The following RGL1 variants were observed in gnomAD, a reference collection of about 807,000 sequenced individuals.
The protein encoded by RGL1 is ral guanine nucleotide dissociation stimulator-like 1.
In RGL1, 24 loss-of-function variants were observed where a neutral mutation model predicts 95.2. That is an observed-to-expected ratio of 0.25 (90% CI 0.18 to 0.35). The LOEUF (loss-of-function observed/expected upper bound fraction) is 0.35. Ranked by LOEUF, RGL1 falls within the 10% of genes least tolerant of loss-of-function variation. RGL1 has a pLI of 1.00. For missense variants in RGL1, 715 were observed against 936.3 expected (o/e 0.76, Z 3.08); for synonymous variants, 329 against 344.9 (o/e 0.95, Z 0.51).
intron 3 of RGL1, among the ~76,000 whole-genome samples, chr1:183,858,445 T>C (rs969270467): frequency 6.6e-6 from 1 of 152,146 alleles, no homozygotes. Context: ...ACAGGGGATA[T>C]GTAGGCAGCC....
At chr1:183,906,814 G>A (rs1668356141) in intron 13 of RGL1, among the ~76,000 whole-genome samples, 198 bp from the exon 14 acceptor site, 1 of 152,132 alleles carries the variant, frequency 6.6e-6, no homozygotes, top group Non-Finnish European at 1.5e-5. Flanking sequence ...GGTGAGGGAG[G>A]AAGCACATAA....
intron 1 of RGL1, among the ~76,000 whole-genome samples, chr1:183,703,807 A>C (rs1195225973): frequency 6.6e-6 from 1 of 152,134 alleles, no homozygotes; most frequent in South Asian, 2.1e-4. Context: ...CAGTGGCTGG[A>C]GGGAGCCCTG....
intron 11 of RGL1, among the ~76,000 whole-genome samples, chr1:183,901,889 C>T (rs540010842): frequency 1.3e-3 from 200 of 152,306 alleles, no homozygotes; most frequent in African/African-American, 4.5e-3. Flanking sequence ...TCATATGCAA[C>T]CAGCCTGCTT....
Position 183,724,847 on chromosome 1 carries a change from T to C in RGL1, c.-32-17279T>C, listed in dbSNP as rs1459113236. ...ACAGGCAGTAGGCAGATAGTGGTTA[T>C]AGCAGGCTTTGAGCGAGGCCCAGAG... On this transcript the variant is annotated intron_variant, in intron 1 of 18. Transcript: ENST00000304685. The surrounding 1 kb of genome is among the most constrained non-coding windows in gnomAD (Gnocchi z 4.1). Among the ~76,000 whole-genome samples, 2 of 152,034 alleles carry C rather than the reference T, an allele frequency of 1.3e-5. No individual in the cohort carries two copies. The highest frequency in any genetic ancestry group is 2.1e-4 in the South Asian group (1 of 4,822).
intron 1 of RGL1, among the ~76,000 whole-genome samples, chr1:183,722,490 A>G (rs181247470): frequency 9.2e-4 from 140 of 152,320 alleles, no homozygotes; most frequent in African/African-American, 3.2e-3. Context: ...AACTCGGAAC[A>G]TGAAGCAAGA....
intron 1 of RGL1, among the ~76,000 whole-genome samples, chr1:183,689,229 G>A (rs1437730008): frequency 6.6e-6 from 1 of 152,044 alleles, no homozygotes; most frequent in Admixed American, 6.6e-5. Context: ...GTGCATCTTA[G>A]TAAATTAAAA....
intron 1 of RGL1, among the ~76,000 whole-genome samples, chr1:183,702,846 CT>C (rs1654683655): frequency 6.6e-6 from 1 of 152,174 alleles, no homozygotes; most frequent in South Asian, 2.1e-4. Context: ...GAGCAACACG[CT>C]GTTTTAATGT....
intron 3 of RGL1, among the ~76,000 whole-genome samples, chr1:183,858,019 G>GTT (rs966186848): frequency 2.6e-5 from 4 of 151,814 alleles, no homozygotes; most frequent in African/African-American, 9.7e-5. Flanking sequence ...GAAGTAGCTT[G>GTT]TTTTTTTTAT....
chr1:183,897,269 C>T (rs1397091594), intron 9 of RGL1, among the ~76,000 whole-genome samples: 1 of 152,204 alleles, frequency 6.6e-6, no homozygotes, highest in African/African-American at 2.4e-5. Flanking sequence ...GTGGCTGGCT[C>T]ATGCCTGTAA....
chr1:183,901,795 AATATT>A (rs1668042073), intron 11 of RGL1, among the ~76,000 whole-genome samples: 1 of 152,200 alleles, frequency 6.6e-6, no homozygotes, highest in African/African-American at 2.4e-5. Flanking sequence ...GCAGCAATAA[AATATT>A]AAGTGAAGAA....
chr1:183,736,514 G>A (rs1656950650), intron 1 of RGL1, among the ~76,000 whole-genome samples: 1 of 152,184 alleles, frequency 6.6e-6, no homozygotes, highest in African/African-American at 2.4e-5. Flanking sequence ...TTTGCATTAG[G>A]CAATTCTGAA....
intron 12 of RGL1, 37 bp from the exon 13 acceptor site, chr1:183,904,813 C>T (rs1668220338): frequency 1.4e-6 from 2 of 1,386,900 alleles, no homozygotes; most frequent in Non-Finnish European, 9.8e-7. Context: ...ATTATTCAGT[C>T]TTTTTTTTTT....
At chr1:183,847,074 A>G (rs569929067) in intron 2 of RGL1, among the ~76,000 whole-genome samples, 1 of 152,160 alleles carries the variant, frequency 6.6e-6, no homozygotes, top group East Asian at 1.9e-4. Flanking sequence ...GGAAACACGC[A>G]TACCTCCACC....
In RGL1 at chr1:183,880,808, C is replaced by T. The variant is rs1249935342; in HGVS notation, c.610+8C>T. On this transcript the variant is annotated splice_region_variant and intron_variant, in intron 5 of 17. Coordinates refer to ENST00000360851, the MANE Select transcript of RGL1 (RefSeq NM_001297671.3). ...AAGAAGTGGAAACTGACAGTGAGTA[C>T]TTGTTTGTTCCCAGGGAAAAGGCTA... 6.2e-7 allele frequency: 1 copy of T among 1,612,088 alleles called. No homozygotes were observed. Among genetic ancestry groups the T allele is most frequent in the Non-Finnish European group, 8.5e-7 (1 of 1,178,688 alleles).
intron 1 of RGL1, among the ~76,000 whole-genome samples, chr1:183,708,140 C>T (rs1319079163): frequency 1.3e-5 from 2 of 152,048 alleles, no homozygotes; most frequent in Non-Finnish European, 2.9e-5. Context: ...AAAGACAAGG[C>T]GCTTAGGGCG....
At chr1:183,892,485 C>T (rs1667481356) in intron 9 of RGL1, among the ~76,000 whole-genome samples, 1 of 152,096 alleles carries the variant, frequency 6.6e-6, no homozygotes, top group Non-Finnish European at 1.5e-5. Context: ...GTGAGAGGCC[C>T]TGGAATATTC....
chr1:183,779,728 G>C (rs1030112205), intron 2 of RGL1, among the ~76,000 whole-genome samples: 2 of 152,108 alleles, frequency 1.3e-5, no homozygotes, highest in African/African-American at 4.8e-5. Flanking sequence ...TTTGTGGATT[G>C]TGTTGGAAAC....
At chr1:183,776,758 G>T (rs1659626693) in intron 2 of RGL1, among the ~76,000 whole-genome samples, 1 of 152,190 alleles carries the variant, frequency 6.6e-6, no homozygotes, top group African/African-American at 2.4e-5. Context: ...GACAAGGCTT[G>T]CGAAGAGGGC....
At chr1:183,640,549 T>C (rs575229701) in intron 1 of RGL1, among the ~76,000 whole-genome samples, 1 of 152,332 alleles carries the variant, frequency 6.6e-6, no homozygotes, top group African/African-American at 2.4e-5. Context: ...AGAATAAGTC[T>C]TATTTTTAAA....
Sources: gnomAD v4.1 joint callset for allele counts (sites outside exome capture counted in the v4.1 genomes callset) on GRCh38, gnomAD v4.1.1 for gene constraint, Gnocchi (gnomAD v3.1) non-coding constraint, MANE v1.5 for transcripts, NCBI Gene and HGNC (gene_info 2026-07-23, HGNC 2026-07-21) for gene names.